Variants in SLC22A16 observed in about 807,000 individuals in gnomAD.
The protein encoded by SLC22A16 is solute carrier family 22 member 16.
A neutral mutation model predicts 52.9 loss-of-function variants in SLC22A16; 53 were observed. The observed-to-expected ratio is 1.00, with a 90% confidence interval of 0.80 to 1.26. The LOEUF (loss-of-function observed/expected upper bound fraction) is 1.26. Among genes scored for constraint, SLC22A16 ranks in the 50% most tolerant of loss-of-function variants. The probability of loss-of-function intolerance (pLI) is 0.00; values close to 1 mark genes in which losing one functional copy is unlikely to be tolerated. For synonymous variants in SLC22A16, 291 were observed against 268.8 expected, an observed-to-expected ratio of 1.08 and a Z score of -0.81; for missense variants, 726 against 704.0, an observed-to-expected ratio of 1.03 and a Z score of -0.35.
intron 4 of SLC22A16, chr6:110,439,961 A>G (rs1191723636): frequency 6.6e-6 from 1 of 152,222 alleles, no homozygotes; most frequent in Admixed American, 6.5e-5. Context: ...GGCATATTAA[A>G]TTTTAAAAGG....
intron 2 of SLC22A16, among the ~76,000 whole-genome samples, chr6:110,450,484 T>A (rs1197805887): frequency 6.6e-6 from 1 of 151,888 alleles, no homozygotes; most frequent in Admixed American, 6.6e-5. Flanking sequence ...TGGCGGCACA[T>A]GCCTGTAGTC....
intron 1 of SLC22A16, chr6:110,476,096 G>A (rs1404218677): frequency 2.3e-6 from 1 of 437,626 alleles, no homozygotes; most frequent in South Asian, 1.6e-5. Context: ...GAGGCCCTAC[G>A]GAGGCGCAGG....
Position 110,446,918 on chromosome 6 carries a change from T to G in SLC22A16, c.606A>C (p.Ala202=). The G allele has an allele frequency of 6.2e-7, 1 of 1,613,918 alleles. No individual in the cohort carries two copies. Among genetic ancestry groups the G allele is most frequent in the Non-Finnish European group, 8.5e-7 (1 of 1,179,900 alleles). Residue 202 remains alanine (A), a synonymous_variant, in exon 3 of 8, where the codon GCA becomes GCC. Transcript: ENST00000368919. ...CAGCCATGAAGGTGTAATAATCAAC[T>G]GCAAACGCCGCTGCTATTCCAAACA... ...MFLFGIAAAF[A]VDYYTFMAAR...
intron 7 of SLC22A16, among the ~76,000 whole-genome samples, chr6:110,426,092 T>C (rs1774247247): frequency 6.6e-6 from 1 of 152,202 alleles, no homozygotes; most frequent in Non-Finnish European, 1.5e-5. Flanking sequence ...TTTCATTTTG[T>C]TTTGCAGAGC....
intron 1 of SLC22A16, among the ~76,000 whole-genome samples, chr6:110,459,486 C>T (rs1775786902): frequency 1.3e-5 from 2 of 152,218 alleles, no homozygotes; most frequent in South Asian, 4.2e-4. Flanking sequence ...GGTTACCTGG[C>T]CAATATACCT....
At chr6:110,431,081 T>C (rs1774479750) in intron 7 of SLC22A16, 90 bp downstream of exon 7, 3 of 1,072,214 alleles carry the variant, frequency 2.8e-6, no homozygotes, top group Non-Finnish European at 4.3e-6. Flanking sequence ...ATGTACTGGC[T>C]TTCAGTAAAT....
At position 110,442,340 on chromosome 6, in the gene SLC22A16, A is replaced by G; in HGVS notation, c.1087T>C (p.Trp363Arg). 1 of 1,614,232 alleles carries G rather than the reference A, an allele frequency of 6.2e-7. No individual in the cohort carries two copies. Among genetic ancestry groups the G allele is most frequent in the Non-Finnish European group, 8.5e-7 (1 of 1,180,040 alleles). ...WSITKRTLTVWLIWFTGSLGF... is the reference protein window; with the variant it reads ...WSITKRTLTVRLIWFTGSLGF... ...AAACTTCCAGTGAACCAGATTAGCCAAACGGTAAGTGTCCTTTTCGTAATG... is the reference window on the plus strand; with the variant it reads ...AAACTTCCAGTGAACCAGATTAGCCGAACGGTAAGTGTCCTTTTCGTAATG... The change falls in exon 4 of 8, where the codon TGG becomes CGG. Residue 363 changes from tryptophan to arginine, a missense_variant. Coordinates refer to ENST00000368919, the MANE Select transcript of SLC22A16 (RefSeq NM_033125.4).
chr6:110,462,960 G>A (rs537786109), intron 1 of SLC22A16, among the ~76,000 whole-genome samples: 1 of 151,736 alleles, frequency 6.6e-6, no homozygotes, highest in Admixed American at 6.6e-5. Context: ...ACAGATTGGG[G>A]GCCTATTTAT....
intron 7 of SLC22A16, among the ~76,000 whole-genome samples, chr6:110,429,462 C>T (rs9398237): frequency 0.34 from 51,224 of 152,140 alleles, 8,904 homozygotes; most frequent in East Asian, 0.4. Context: ...TGTGAGATTA[C>T]GTTAGTGTCT....
At chr6:110,429,424 A>G (rs1774406945) in intron 7 of SLC22A16, among the ~76,000 whole-genome samples, 1 of 152,242 alleles carries the variant, frequency 6.6e-6, no homozygotes, top group Non-Finnish European at 1.5e-5. Flanking sequence ...AGGCAACTCC[A>G]GGGGATACCA....
chr6:110,458,166 C>T (rs553646692), intron 1 of SLC22A16, among the ~76,000 whole-genome samples: 5 of 152,220 alleles, frequency 3.3e-5, no homozygotes, highest in African/African-American at 1.2e-4. Context: ...TCTCTCTCTC[C>T]CCGCCTCGGT....
At chr6:110,460,209 C>G (rs950965770) in intron 1 of SLC22A16, among the ~76,000 whole-genome samples, 8 of 152,190 alleles carry the variant, frequency 5.3e-5, no homozygotes, top group African/African-American at 1.9e-4. Flanking sequence ...ATGCTTCTGA[C>G]CATCCCTCAG....
chr6:110,425,478 C>G, intron 7 of SLC22A16: 1 of 1,162,246 alleles, frequency 8.6e-7, no homozygotes, highest in Non-Finnish European at 1.2e-6. Context: ...CAGGACATGC[C>G]AAGCAGGGAC....
chr6:110,462,578 T>C (rs1355073473), intron 1 of SLC22A16, among the ~76,000 whole-genome samples: 1 of 151,800 alleles, frequency 6.6e-6, no homozygotes, highest in Non-Finnish European at 1.5e-5. Flanking sequence ...CAAACAAAAA[T>C]AAAGAAAAAA....
chr6:110,435,001 G>T (rs1774668612), intron 6 of SLC22A16, among the ~76,000 whole-genome samples: 1 of 152,050 alleles, frequency 6.6e-6, no homozygotes, highest in South Asian at 2.1e-4. Context: ...AAAATCCCCA[G>T]TGTCATTCTT....
At chr6:110,468,711 T>C (rs1039735882) in intron 1 of SLC22A16, among the ~76,000 whole-genome samples, 1 of 151,372 alleles carries the variant, frequency 6.6e-6, no homozygotes, top group Non-Finnish European at 1.5e-5. Flanking sequence ...GAAATCAGCC[T>C]CAGTCCATCC....
At chr6:110,462,423 CA>C (rs1310106592) in intron 1 of SLC22A16, among the ~76,000 whole-genome samples, 14 of 151,940 alleles carry the variant, frequency 9.2e-5, no homozygotes, top group African/African-American at 3.4e-4. Context: ...CACTGAGATG[CA>C]AAAGAAAGCT....
chr6:110,475,731 C>G (rs917125222), intron 1 of SLC22A16, among the ~76,000 whole-genome samples: 2 of 152,168 alleles, frequency 1.3e-5, no homozygotes, highest in African/African-American at 2.4e-5. Flanking sequence ...GCCCCTCACC[C>G]GGCTACCTCC....
Position 110,456,869 on chromosome 6 carries a change from T to C in SLC22A16, c.202A>G (p.Asn68Asp), listed in dbSNP as rs930467324. 3 of 1,613,858 alleles carry C rather than the reference T, an allele frequency of 1.9e-6. No homozygotes were observed. The highest frequency in any genetic ancestry group is 2.5e-6 in the Non-Finnish European group (3 of 1,179,962). ...GCCCCGGTGTCCTCCAAACTCCAAT[T>C]AGAGTGATTATGGAAAACAACCTGA... ...VSQVVFHNHS[N>D]WSLEDTGALL... Residue 68 changes from asparagine to aspartate, a missense_variant, in exon 2 of 8, where the codon AAT (asparagine) becomes GAT (aspartate). Physicochemically the swap from Asn to Asp is conservative, Grantham distance 23 (BLOSUM62 1). Transcript: ENST00000368919.
Sources: gnomAD v4.1 joint callset for allele counts (sites outside exome capture counted in the v4.1 genomes callset) on GRCh38, gnomAD v4.1.1 for gene constraint, MANE v1.5 for transcripts, NCBI Gene and HGNC (gene_info 2026-07-23, HGNC 2026-07-21) for gene names.